The following DLG2 variants were observed in gnomAD, a reference collection of about 807,000 sequenced individuals.
DLG2 encodes the protein disks large homolog 2.
In DLG2, 45 loss-of-function variants were observed where a neutral mutation model predicts 132.5. That is an observed-to-expected ratio of 0.34 (90% CI 0.27 to 0.44). The LOEUF is 0.44. Ranked by LOEUF, DLG2 falls within the 20% of genes least tolerant of loss-of-function variation. The pLI is 1.00. For synonymous variants in DLG2, 424 were observed against 419.6 expected, an observed-to-expected ratio of 1.01 and a Z score of -0.13; for missense variants, 1,045 against 1,196.9, an observed-to-expected ratio of 0.87 and a Z score of 1.87.
chr11:85,085,952 C>T (rs349068), intron 6 of DLG2, among the ~76,000 whole-genome samples: 59,027 of 151,888 alleles, frequency 0.39, 11,627 homozygotes, highest in South Asian at 0.57. Flanking sequence ...CTATGTCTAT[C>T]CTAAGTGGTT....
chr11:84,298,604 C>G (rs11823072), intron 7 of DLG2, among the ~76,000 whole-genome samples: 1 of 152,006 alleles, frequency 6.6e-6, no homozygotes, highest in Non-Finnish European at 1.5e-5. Flanking sequence ...GCTTCTAATA[C>G]GATAGTTGAA....
intron 3 of DLG2, among the ~76,000 whole-genome samples, chr11:85,438,926 G>T (rs2091632627): frequency 6.6e-6 from 1 of 152,112 alleles, no homozygotes; most frequent in Non-Finnish European, 1.5e-5. Context: ...TATGTAAATG[G>T]AATCAATCAT....
chr11:85,361,595 A>G (rs1357542108), intron 3 of DLG2, among the ~76,000 whole-genome samples: 1 of 152,208 alleles, frequency 6.6e-6, no homozygotes, highest in African/African-American at 2.4e-5. Flanking sequence ...AGTCAGGATC[A>G]TGGCCTCCAG....
chr11:84,050,991 G>A (rs762931517), intron 11 of DLG2, among the ~76,000 whole-genome samples: 3 of 151,882 alleles, frequency 2.0e-5, no homozygotes, highest in African/African-American at 7.2e-5. Context: ...GGATTGAGAA[G>A]ACATTTATGC....
chr11:85,079,504 T>C (rs1440554032), intron 6 of DLG2, among the ~76,000 whole-genome samples: 1 of 122,832 alleles, frequency 8.1e-6, no homozygotes, highest in African/African-American at 3.1e-5. Context: ...TTTTTTTTTT[T>C]GGTTTACCTT....
intron 19 of DLG2, among the ~76,000 whole-genome samples, chr11:83,583,330 G>T (rs1390545833): frequency 6.6e-6 from 1 of 152,118 alleles, no homozygotes; most frequent in Non-Finnish European, 1.5e-5. Flanking sequence ...CCTCACACAT[G>T]CTCATGAACA....
chr11:84,919,547 T>C (rs1042735736), intron 6 of DLG2, among the ~76,000 whole-genome samples: 19 of 152,242 alleles, frequency 1.2e-4, no homozygotes, highest in East Asian at 3.9e-4. Flanking sequence ...TCTGACACAC[T>C]GTGGAAAAGA....
At chr11:83,684,990 A>G (rs1006662528) in intron 18 of DLG2, among the ~76,000 whole-genome samples, 28 of 152,188 alleles carry the variant, frequency 1.8e-4, no homozygotes, top group Non-Finnish European at 4.0e-4. Flanking sequence ...AGCTGTATCA[A>G]TATTTTGCTT....
intron 6 of DLG2, among the ~76,000 whole-genome samples, chr11:84,770,654 T>C (rs892380415): frequency 4.6e-5 from 7 of 151,480 alleles, no homozygotes; most frequent in African/African-American, 1.7e-4. Flanking sequence ...TTTTTTTTTT[T>C]TTTTGAGACG....
At chr11:85,386,427 C>G (rs955866873) in intron 3 of DLG2, among the ~76,000 whole-genome samples, 1 of 152,102 alleles carries the variant, frequency 6.6e-6, no homozygotes, top group Non-Finnish European at 1.5e-5. Context: ...GACAACATTC[C>G]TATCTCATCA....
Position 84,251,637 on chromosome 11 carries a change from C to CTTT in DLG2, c.520-349_520-347dup, listed in dbSNP as rs369651884. Among the ~76,000 whole-genome samples, 901 of 129,910 alleles carry CTTT rather than the reference C, an allele frequency of 6.9e-3. 52 individuals are homozygous for CTTT. Among genetic ancestry groups the CTTT allele is most frequent in the African/African-American group, 0.017 (585 of 34,568 alleles). 85.2% of individuals were successfully genotyped at this position (129,910 alleles called of 152,430 possible). A position where few individuals can be genotyped will look rare whatever the true frequency, so the allele number is the denominator to read the frequency against. On this transcript the variant is annotated intron_variant, in intron 7 of 27. Transcript: ENST00000376104. ...GTAAGAGTTAAAACTTGTATCTTTT[C>CTTT]TTTCTTTTTTTTTTTTTTTTGTGAG...
intron 18 of DLG2, among the ~76,000 whole-genome samples, chr11:83,767,148 C>T (rs1024995689): frequency 2.0e-5 from 3 of 152,094 alleles, no homozygotes; most frequent in African/African-American, 7.2e-5. Context: ...TATAAGGTGA[C>T]GTAATCATAG....
At chr11:84,444,661 T>G (rs762769707) in intron 7 of DLG2, among the ~76,000 whole-genome samples, 2 of 152,174 alleles carry the variant, frequency 1.3e-5, no homozygotes, top group African/African-American at 4.8e-5. Flanking sequence ...TACTACATTA[T>G]GTATGCTTTA....
At chr11:85,496,582 G>A (rs1387521551) in intron 3 of DLG2, among the ~76,000 whole-genome samples, 2 of 152,152 alleles carry the variant, frequency 1.3e-5, no homozygotes, top group Non-Finnish European at 1.5e-5. Flanking sequence ...TCCCAGCATG[G>A]CATATGAGCT....
At chr11:85,358,220 G>T (rs184195144) in intron 3 of DLG2, among the ~76,000 whole-genome samples, 1 of 152,208 alleles carries the variant, frequency 6.6e-6, no homozygotes, top group Non-Finnish European at 1.5e-5. Context: ...CATTTAAAAA[G>T]AAATCACAGA....
chr11:83,581,948 C>CTTTTTTTTTTTTTTTTT (rs71849863), intron 19 of DLG2, among the ~76,000 whole-genome samples: 2 of 52,634 alleles, frequency 3.8e-5, no homozygotes, highest in African/African-American at 8.1e-5. Flanking sequence ...AGTTTGGACT[C>CTTTTTTTTTTTTTTTTT]TTTTTTTTTT....
chr11:85,027,173 CTTTTTTTTTTTTT>C (rs10571202), intron 6 of DLG2, among the ~76,000 whole-genome samples: 7 of 69,368 alleles, frequency 1.0e-4, no homozygotes, highest in Admixed American at 1.9e-4. Flanking sequence ...AGTGTGGTCT[CTTTTTTTTTTTTT>C]TTTTTTTTTT....
chr11:84,734,069 C>T (rs527532718), intron 6 of DLG2, among the ~76,000 whole-genome samples: 80 of 152,250 alleles, frequency 5.3e-4, no homozygotes, highest in African/African-American at 1.9e-3. Flanking sequence ...AGTCAGGTAG[C>T]ATGATGCCTC....
chr11:85,350,485 T>C (rs1486010482), intron 3 of DLG2, among the ~76,000 whole-genome samples: 2 of 152,224 alleles, frequency 1.3e-5, no homozygotes, highest in Non-Finnish European at 2.9e-5. Context: ...TCCTTGCCCA[T>C]GCCTATGTCC....
Sources: allele counts gnomAD v4.1 joint callset (sites outside exome capture counted in the v4.1 genomes callset), GRCh38; gene constraint gnomAD v4.1.1; transcripts MANE v1.5; gene names NCBI Gene and HGNC (gene_info 2026-07-23, HGNC 2026-07-21).